RYR2: variants seen among roughly 807,000 people sequenced by gnomAD.
RYR2 encodes the protein ryanodine receptor 2.
A neutral mutation model predicts 601.1 loss-of-function variants in RYR2; 227 were observed. That is an observed-to-expected ratio of 0.38 (90% CI 0.34 to 0.42). RYR2 has a LOEUF of 0.42. Ranked by LOEUF, RYR2 falls within the 10% of genes least tolerant of loss-of-function variation. RYR2 has a pLI of 1.00. For synonymous variants in RYR2, 2,223 were observed against 2,175.1 expected, an observed-to-expected ratio of 1.02 and a Z score of -0.61; for missense variants, 4,646 against 6,156.5, an observed-to-expected ratio of 0.75 and a Z score of 8.21.
At chr1:237,223,961 T>G (rs1273390338) in intron 1 of RYR2, among the ~76,000 whole-genome samples, 1 of 152,238 alleles carries the variant, frequency 6.6e-6, no homozygotes, top group Non-Finnish European at 1.5e-5. Context: ...AAATTATTGT[T>G]AGTTCATTAT....
intron 10 of RYR2, among the ~76,000 whole-genome samples, chr1:237,395,909 TGTTG>T (rs1335303809): frequency 2.0e-5 from 3 of 152,202 alleles, no homozygotes; most frequent in Non-Finnish European, 4.4e-5. Context: ...TGATCACACG[TGTTG>T]GTCTGCATAT....
intron 84 of RYR2, among the ~76,000 whole-genome samples, chr1:237,766,743 T>TC (rs1195341042): frequency 6.6e-6 from 1 of 152,204 alleles, no homozygotes; most frequent in East Asian, 1.9e-4. Flanking sequence ...GGATTTTTTT[T>TC]CCGCTCCAGC....
At chr1:237,511,566 AG>A (rs1336902459) in intron 23 of RYR2, 121 bp from the exon 24 acceptor site, 2 of 709,730 alleles carry the variant, frequency 2.8e-6, no homozygotes, top group Non-Finnish European at 5.0e-6. Flanking sequence ...GCAGCTTTGC[AG>A]GGGTAATGAT....
At position 237,709,113 on chromosome 1, in the gene RYR2, A is replaced by G. The variant is rs533014374; in HGVS notation, c.10142+15A>G. On this transcript the variant is annotated intron_variant, in intron 69 of 104. Transcript: ENST00000366574. ...GACTATAACAGGTATGATCAAAAGT[A>G]ATTTAGTAATTTCTCCAATTCGGTC... The G allele has an allele frequency of 1.9e-6, 3 of 1,540,372 alleles. No homozygotes were observed. The highest frequency in any genetic ancestry group is 2.3e-5 in the East Asian group (1 of 44,106).
In RYR2 at chr1:237,217,328, CT is replaced by C. The variant is rs201492398; in HGVS notation, c.49-53156del. ...CTTCTTGAGGTTAGGAATTAAAACACTTTTTTTTTTTTTGGTAATTTTTAAA... is the reference window on the plus strand; with the variant it reads ...CTTCTTGAGGTTAGGAATTAAAACACTTTTTTTTTTTTGGTAATTTTTAAA... On this transcript the variant is annotated intron_variant, in intron 1 of 104. Transcript: ENST00000366574. 1.9e-3 allele frequency among the ~76,000 whole-genome samples: 285 copies of C among 146,316 alleles called. 1 individual carries two copies. The highest frequency in any genetic ancestry group is 4.6e-3 in the African/African-American group (183 of 39,654).
intron 94 of RYR2, 78 bp downstream of exon 94, chr1:237,792,401 G>GCA (rs1352255620): frequency 1.6e-4 from 58 of 365,840 alleles, no homozygotes; most frequent in African/African-American, 6.0e-4. Context: ...GTGTGTGCGT[G>GCA]TGTGTGTGTG....
At chr1:237,588,665 T>C (rs1385567948) in intron 29 of RYR2, among the ~76,000 whole-genome samples, 2 of 152,054 alleles carry the variant, frequency 1.3e-5, no homozygotes, top group African/African-American at 4.8e-5. Flanking sequence ...AAACCCTATC[T>C]CTACTAAAAA....
intron 1 of RYR2, among the ~76,000 whole-genome samples, chr1:237,162,862 ACG>A (rs1443269437): frequency 2.0e-5 from 3 of 152,200 alleles, no homozygotes; most frequent in African/African-American, 7.2e-5. Flanking sequence ...TAGAGTTAGA[ACG>A]TTCTGCAGGA....
intron 5 of RYR2, among the ~76,000 whole-genome samples, chr1:237,367,774 C>T (rs116364255): frequency 6.6e-6 from 1 of 152,296 alleles, no homozygotes; most frequent in African/African-American, 2.4e-5. Flanking sequence ...ATTGCTTCCT[C>T]CTTCTTACAC....
At chr1:237,326,526 G>A (rs1018256958) in intron 2 of RYR2, among the ~76,000 whole-genome samples, 2 of 152,100 alleles carry the variant, frequency 1.3e-5, no homozygotes. Flanking sequence ...TGTAAGAGGC[G>A]GGTAGGTAAA....
At chr1:237,540,737 C>G (rs1479453540) in intron 25 of RYR2, among the ~76,000 whole-genome samples, 1 of 149,032 alleles carries the variant, frequency 6.7e-6, no homozygotes, top group African/African-American at 2.5e-5. Flanking sequence ...AAAAAGCATA[C>G]TAGGATCATC....
intron 24 of RYR2, among the ~76,000 whole-genome samples, chr1:237,518,365 T>G (rs948407833): frequency 6.6e-6 from 1 of 152,142 alleles, no homozygotes; most frequent in Non-Finnish European, 1.5e-5. Flanking sequence ...ACCCAGTTAA[T>G]GTATATTGCA....
chr1:237,373,586 A>G (rs1185502752), intron 6 of RYR2, among the ~76,000 whole-genome samples: 1 of 152,154 alleles, frequency 6.6e-6, no homozygotes, highest in African/African-American at 2.4e-5. Context: ...CAACACATTC[A>G]TCTTTGTGTC....
Position 237,830,594 on chromosome 1 carries a change from C to T in RYR2, c.14720C>T (p.Thr4907Ile), listed in dbSNP as rs1285444245. 1 of 1,609,964 alleles carries T rather than the reference C, an allele frequency of 6.2e-7. No homozygotes were observed. The highest frequency in any genetic ancestry group is 1.1e-5 in the South Asian group (1 of 90,944). Residue 4907 changes from threonine (T) to isoleucine (I), a missense_variant, in exon 103 of 105, where the codon ACC becomes ATC. This residue lies in a region of RYR2 where 55 missense variants were observed against 204.7 expected (regional missense o/e 0.27). Coordinates refer to ENST00000366574, the MANE Select transcript of RYR2 (RefSeq NM_001035.3). ...GACACAGTGCCACATGGCTTTGAAA[C>T]CCACACTTTACAGGAGCACAACTTG... ...YFDTVPHGFE[T>I]HTLQEHNLAN...
intron 5 of RYR2, among the ~76,000 whole-genome samples, chr1:237,368,131 GA>G (rs893600323): frequency 5.3e-5 from 8 of 151,882 alleles, no homozygotes; most frequent in Non-Finnish European, 8.8e-5. Context: ...AGTAGAGGGA[GA>G]AAAAAATCTG....
At position 237,109,906 on chromosome 1, in the gene RYR2, G is replaced by A. The variant is rs1416858560; in HGVS notation, c.48+67337G>A. Among the ~76,000 whole-genome samples, 6 of 151,832 alleles carry A rather than the reference G, an allele frequency of 4.0e-5. No individual in the cohort carries two copies. In the East Asian group the frequency reaches 9.7e-4, roughly 25 times the overall value. The stretch of plus-strand genomic sequence containing the variant: ...AGCGTATGACCTGGCTTTGTGCACC[G>A]AGAAAACTGCCCAAAATAACAGGTG... On this transcript the variant is annotated intron_variant, in intron 1 of 104. Transcript: ENST00000366574.
intron 2 of RYR2, among the ~76,000 whole-genome samples, chr1:237,274,504 T>A (rs1388125293): frequency 1.3e-5 from 2 of 152,154 alleles, no homozygotes; most frequent in Non-Finnish European, 2.9e-5. Flanking sequence ...AAGCTAAGTG[T>A]TATTACAAAA....
intron 84 of RYR2, among the ~76,000 whole-genome samples, chr1:237,762,548 A>G (rs1693510942): frequency 6.6e-6 from 1 of 152,222 alleles, no homozygotes; most frequent in African/African-American, 2.4e-5. Flanking sequence ...GTCGCTGTTC[A>G]TATCAGCTCC....
chr1:237,329,081 T>C (rs912481590), intron 2 of RYR2, among the ~76,000 whole-genome samples: 24 of 152,234 alleles, frequency 1.6e-4, no homozygotes, highest in African/African-American at 5.3e-4. Context: ...TTTTTCATTA[T>C]TTATTATGAT....
Sources: gnomAD v4.1 joint callset for allele counts (sites outside exome capture counted in the v4.1 genomes callset) on GRCh38, gnomAD v4.1.1 for gene constraint, gnomAD v4.1.1 regional missense constraint, MANE v1.5 for transcripts, NCBI Gene and HGNC (gene_info 2026-07-23, HGNC 2026-07-21) for gene names.